Variants in EHMT1 observed in about 807,000 individuals in gnomAD.
The protein encoded by EHMT1 is euchromatic histone lysine methyltransferase 1.
In EHMT1, 15 loss-of-function variants were observed where a neutral mutation model predicts 147.2. That is an observed-to-expected ratio of 0.10 (90% CI 0.07 to 0.16). The LOEUF (loss-of-function observed/expected upper bound fraction) is 0.16. EHMT1 is among the 10% of genes least tolerant of loss of function. The probability of loss-of-function intolerance (pLI) is 1.00; values close to 1 mark genes in which losing one functional copy is unlikely to be tolerated. For missense variants in EHMT1, 1,587 were observed against 1,772.4 expected (o/e 0.90, Z 1.88); for synonymous variants, 795 against 709.6 (o/e 1.12, Z -1.91).
chr9:137,725,522 A>G (rs888743601), intron 3 of EHMT1, among the ~76,000 whole-genome samples: 1 of 152,186 alleles, frequency 6.6e-6, no homozygotes, highest in African/African-American at 2.4e-5. Flanking sequence ...ACAGGTCTCC[A>G]CAGGGAGAAG....
intron 3 of EHMT1, among the ~76,000 whole-genome samples, chr9:137,723,492 T>C (rs28529482): frequency 3.3e-4 from 41 of 124,802 alleles, no homozygotes; most frequent in African/African-American, 6.4e-4. Context: ...TGTCTGTGTC[T>C]GTGGTTCTGG....
At chr9:137,624,003 T>C (rs1163508338) in intron 1 of EHMT1, among the ~76,000 whole-genome samples, 2 of 147,556 alleles carry the variant, frequency 1.4e-5, no homozygotes, top group Non-Finnish European at 3.0e-5. Flanking sequence ...TTTCTTTCTT[T>C]TTTTTTTTTT....
At chr9:137,682,269 G>A (rs1473276034) in intron 1 of EHMT1, among the ~76,000 whole-genome samples, 1 of 152,052 alleles carries the variant, frequency 6.6e-6, no homozygotes, top group Admixed American at 6.6e-5. Context: ...CTTTAAAGCA[G>A]CCACTGGGTT....
intron 1 of EHMT1, among the ~76,000 whole-genome samples, chr9:137,690,541 G>A (rs1245015004): frequency 1.3e-5 from 2 of 150,070 alleles, no homozygotes; most frequent in African/African-American, 4.9e-5. Flanking sequence ...CAGACTAGAT[G>A]TCGAAGAATA....
At chr9:137,701,447 C>G (rs1943817385) in intron 1 of EHMT1, among the ~76,000 whole-genome samples, 1 of 151,254 alleles carries the variant, frequency 6.6e-6, no homozygotes, top group Non-Finnish European at 1.5e-5. Flanking sequence ...CCACACCTGG[C>G]TAATTTTTAT....
chr9:137,789,606 C>A (rs962346418), intron 15 of EHMT1, among the ~76,000 whole-genome samples: 1 of 152,240 alleles, frequency 6.6e-6, no homozygotes, highest in Non-Finnish European at 1.5e-5. Context: ...CGCCTCCAGG[C>A]CTCAGCCTTC....
intron 8 of EHMT1, among the ~76,000 whole-genome samples, chr9:137,757,399 G>A (rs1370330330): frequency 6.6e-6 from 1 of 152,222 alleles, no homozygotes; most frequent in Non-Finnish European, 1.5e-5. Context: ...GGAGGTCATT[G>A]CTTTCTCTCT....
intron 9 of EHMT1, among the ~76,000 whole-genome samples, chr9:137,759,078 G>A (rs1949606213): frequency 6.6e-6 from 1 of 151,912 alleles, no homozygotes; most frequent in Non-Finnish European, 1.5e-5. Flanking sequence ...AATGAGCCGA[G>A]ATGGCACCAC....
chr9:137,620,463 T>G (rs189101556), intron 1 of EHMT1, among the ~76,000 whole-genome samples: 2 of 152,326 alleles, frequency 1.3e-5, no homozygotes, highest in East Asian at 3.9e-4. Flanking sequence ...TCACTCAGGC[T>G]GGAATGCAGA....
Position 137,716,656 on chromosome 9 carries a change from C to T in EHMT1, c.116C>T (p.Ala39Val), listed in dbSNP as rs375620256. The change falls in exon 3 of 27, where the codon GCA becomes GTA. Residue 39 changes from alanine (A) to valine (V), a missense_variant. Coordinates refer to ENST00000460843, the MANE Select transcript of EHMT1 (RefSeq NM_024757.5). ...CCTATGGCTGCCGATGAAGGCTCAG[C>T]AGAGAAACAGGCAGGAGAGGCCCAC... is the stretch of plus-strand genomic sequence containing the variant. ...ETPMAADEGSAEKQAGEAHMA... is the reference protein window; with the variant it reads ...ETPMAADEGSVEKQAGEAHMA... The T allele has an allele frequency of 1.3e-6, 2 of 1,589,156 alleles. No individual in the cohort carries two copies. The highest frequency in any genetic ancestry group is 1.7e-5 in the Admixed American group (1 of 58,244).
chr9:137,758,135 C>A, intron 9 of EHMT1, 124 bp downstream of exon 9: 2 of 1,325,332 alleles, frequency 1.5e-6, no homozygotes, highest in Non-Finnish European at 1.1e-6. Flanking sequence ...AACTGCATCA[C>A]TTCCAGCTGA....
intron 1 of EHMT1, among the ~76,000 whole-genome samples, chr9:137,669,478 C>G (rs1247905403): frequency 1.2e-5 from 1 of 81,822 alleles, no homozygotes; most frequent in Non-Finnish European, 2.5e-5. Flanking sequence ...ACGCCCCCCA[C>G]AGCACGTGCA....
At chr9:137,681,663 T>C (rs1941951415) in intron 1 of EHMT1, among the ~76,000 whole-genome samples, 1 of 152,086 alleles carries the variant, frequency 6.6e-6, no homozygotes, top group Admixed American at 6.6e-5. Context: ...CCGTCCACTT[T>C]CTCTCCTGTC....
chr9:137,805,213 TGTCA>T (rs200101809), intron 18 of EHMT1, among the ~76,000 whole-genome samples: 3,051 of 152,304 alleles, frequency 0.02, 104 homozygotes, highest in African/African-American at 0.069. Context: ...TCTGCATGTC[TGTCA>T]GTCGTCCATG....
chr9:137,715,594 G>A (rs550549756), intron 2 of EHMT1: 6 of 985,414 alleles, frequency 6.1e-6, no homozygotes, highest in East Asian at 1.1e-4. Flanking sequence ...TGCACCTAGC[G>A]ATGCCATCGC....
chr9:137,748,391 G>C (rs953368357), intron 6 of EHMT1, among the ~76,000 whole-genome samples: 6 of 152,178 alleles, frequency 3.9e-5, no homozygotes, highest in Non-Finnish European at 8.8e-5. Context: ...GGCTGCTCTC[G>C]TGTCTGTGTC....
At chr9:137,817,008 C>T (rs957357535) in intron 23 of EHMT1, 1 of 249,548 alleles carries the variant, frequency 4.0e-6, no homozygotes, top group Non-Finnish European at 7.9e-6. Context: ...TCGACCGCCA[C>T]CTCCCCTGCC....
intron 1 of EHMT1, among the ~76,000 whole-genome samples, chr9:137,696,258 A>G (rs1329297210): frequency 6.6e-6 from 1 of 152,112 alleles, no homozygotes; most frequent in Non-Finnish European, 1.5e-5. Flanking sequence ...AATGGTTTAA[A>G]ATTAGGGGGC....
At chr9:137,714,385 G>A (rs565732262) in intron 2 of EHMT1, among the ~76,000 whole-genome samples, 3 of 152,162 alleles carry the variant, frequency 2.0e-5, no homozygotes, top group African/African-American at 4.8e-5. Context: ...TGAGATGCTT[G>A]TGTGGTTTTG....
Sources: allele counts gnomAD v4.1 joint callset (sites outside exome capture counted in the v4.1 genomes callset), GRCh38; gene constraint gnomAD v4.1.1; transcripts MANE v1.5; gene names NCBI Gene and HGNC (gene_info 2026-07-23, HGNC 2026-07-21).